The following PTPRD variants were observed in gnomAD, a reference collection of about 807,000 sequenced individuals.
The protein encoded by PTPRD is receptor-type tyrosine-protein phosphatase delta.
Under a neutral mutation model 214.5 loss-of-function variants are expected in PTPRD, and 34 were observed. That is an observed-to-expected ratio of 0.16 (90% CI 0.12 to 0.21). PTPRD has a LOEUF of 0.21. Ranked by LOEUF, PTPRD falls within the 10% of genes least tolerant of loss-of-function variation. The probability of loss-of-function intolerance (pLI) is 1.00; values close to 1 mark genes in which losing one functional copy is unlikely to be tolerated. For synonymous variants in PTPRD, 1,128 were observed against 845.7 expected (o/e 1.33, Z -5.79); for missense variants, 2,545 against 2,398.7 (o/e 1.06, Z -1.27).
At chr9:9,076,931 G>C (rs551075788) in intron 10 of PTPRD, among the ~76,000 whole-genome samples, 87 of 151,972 alleles carry the variant, frequency 5.7e-4, no homozygotes, top group African/African-American at 2.1e-3. Flanking sequence ...CAGTGTACAA[G>C]GGTTCCCTTT....
At chr9:8,325,412 T>C (rs2801642) in intron 44 of PTPRD, among the ~76,000 whole-genome samples, 12,910 of 136,122 alleles carry the variant, frequency 0.095, 962 homozygotes, top group East Asian at 0.27. Flanking sequence ...AGATGTGTGG[T>C]GTTACTTCTG....
chr9:8,598,186 G>C (rs2095070618), intron 14 of PTPRD, among the ~76,000 whole-genome samples: 1 of 152,096 alleles, frequency 6.6e-6, no homozygotes, highest in African/African-American at 2.4e-5. Flanking sequence ...TGAGATTATT[G>C]TTCAAAAATA....
intron 8 of PTPRD, among the ~76,000 whole-genome samples, chr9:9,542,783 G>T (rs1331024267): frequency 1.3e-5 from 2 of 151,636 alleles, no homozygotes; most frequent in Non-Finnish European, 3.0e-5. Context: ...TTACTAAAAT[G>T]CTTAAAATCA....
intron 3 of PTPRD, among the ~76,000 whole-genome samples, chr9:10,286,123 G>A (rs1054719390): frequency 6.6e-6 from 1 of 152,094 alleles, no homozygotes; most frequent in African/African-American, 2.4e-5. Flanking sequence ...TAACAATTAT[G>A]CCTTTCAATT....
At chr9:8,926,291 G>A (rs2098891681) in intron 11 of PTPRD, among the ~76,000 whole-genome samples, 1 of 152,038 alleles carries the variant, frequency 6.6e-6, no homozygotes, top group African/African-American at 2.4e-5. Context: ...AACCCAATCT[G>A]TATAGGTTGC....
chr9:9,429,491 A>C (rs138772636), intron 8 of PTPRD, among the ~76,000 whole-genome samples: 5,325 of 152,274 alleles, frequency 0.035, 221 homozygotes, highest in East Asian at 0.14. Context: ...AGCTGGTACC[A>C]TTACTTATGA....
intron 44 of PTPRD, among the ~76,000 whole-genome samples, chr9:8,323,301 T>A (rs1255552604): frequency 6.6e-6 from 1 of 152,210 alleles, no homozygotes; most frequent in African/African-American, 2.4e-5. Flanking sequence ...ACAATATTGA[T>A]TCTGCAGCCC....
At chr9:8,778,675 A>C (rs1173377232) in intron 11 of PTPRD, among the ~76,000 whole-genome samples, 2 of 152,168 alleles carry the variant, frequency 1.3e-5, no homozygotes, top group East Asian at 3.9e-4. Flanking sequence ...TTTCTACTGG[A>C]AACAGAAAGG....
chr9:9,230,577 C>T (rs1031688867), intron 9 of PTPRD, among the ~76,000 whole-genome samples: 1 of 152,016 alleles, frequency 6.6e-6, no homozygotes, highest in Non-Finnish European at 1.5e-5. Context: ...TGATACTAAG[C>T]CTTCTAATTG....
chr9:9,338,066 T>C (rs1002319388), intron 9 of PTPRD, among the ~76,000 whole-genome samples: 6 of 152,208 alleles, frequency 3.9e-5, no homozygotes. Context: ...AATTGCTCCA[T>C]TCAAATAAAA....
At chr9:9,978,529 T>TA (rs1040772493) in intron 4 of PTPRD, among the ~76,000 whole-genome samples, 1 of 151,648 alleles carries the variant, frequency 6.6e-6, no homozygotes, top group Non-Finnish European at 1.5e-5. Flanking sequence ...AGGTAAAATT[T>TA]AAAAAATAAA....
At chr9:8,536,992 C>A (rs1317385702) in intron 14 of PTPRD, among the ~76,000 whole-genome samples, 1 of 151,960 alleles carries the variant, frequency 6.6e-6, no homozygotes, top group Non-Finnish European at 1.5e-5. Context: ...ATTTTCTTTC[C>A]AGAATACAGT....
chr9:10,037,703 A>G (rs868208910), intron 3 of PTPRD, among the ~76,000 whole-genome samples: 6 of 152,148 alleles, frequency 3.9e-5, no homozygotes, highest in African/African-American at 1.4e-4. Context: ...GAGAGGATCA[A>G]TCTTCGTTTT....
At chr9:10,397,561 C>G (rs1050363809) in intron 2 of PTPRD, among the ~76,000 whole-genome samples, 1 of 151,990 alleles carries the variant, frequency 6.6e-6, no homozygotes, top group Non-Finnish European at 1.5e-5. Context: ...AACAGCATTT[C>G]AGCCAATGAC....
chr9:9,136,863 G>C (rs146059190), intron 10 of PTPRD, among the ~76,000 whole-genome samples: 37 of 152,296 alleles, frequency 2.4e-4, no homozygotes, highest in African/African-American at 7.9e-4. Flanking sequence ...TATTGGAGTT[G>C]TGTATTTCCA....
intron 7 of PTPRD, among the ~76,000 whole-genome samples, chr9:9,681,228 T>A (rs1318095730): frequency 6.6e-6 from 1 of 151,860 alleles, no homozygotes; most frequent in Non-Finnish European, 1.5e-5. Context: ...AAACATAATG[T>A]TCTTCCTGAA....
At chr9:9,466,748 A>G (rs2094189460) in intron 8 of PTPRD, among the ~76,000 whole-genome samples, 1 of 151,920 alleles carries the variant, frequency 6.6e-6, no homozygotes. Flanking sequence ...TTTTTCCTGG[A>G]CTTTTTGATT....
intron 3 of PTPRD, among the ~76,000 whole-genome samples, chr9:10,282,032 T>C (rs980524152): frequency 2.0e-5 from 3 of 150,536 alleles, no homozygotes; most frequent in Admixed American, 6.6e-5. Flanking sequence ...TGAAAGCCTG[T>C]AGGAATCAGC....
chr9:9,042,497 G>T (rs1419662132), intron 10 of PTPRD, among the ~76,000 whole-genome samples: 2 of 152,112 alleles, frequency 1.3e-5, no homozygotes, highest in Admixed American at 6.6e-5. Context: ...CCAGAGAAAG[G>T]AGAAAAGATG....
Sources: allele counts gnomAD v4.1 joint callset (sites outside exome capture counted in the v4.1 genomes callset), GRCh38; gene constraint gnomAD v4.1.1; transcripts MANE v1.5; gene names NCBI Gene and HGNC (gene_info 2026-07-23, HGNC 2026-07-21).